MOXD1: variants seen among roughly 807,000 people sequenced by gnomAD.
The protein encoded by MOXD1 is DBH-like monooxygenase protein 1.
Under a neutral mutation model 66.6 loss-of-function variants are expected in MOXD1, and 62 were observed. The observed-to-expected ratio is 0.93, with a 90% CI of 0.76 to 1.15. The LOEUF (loss-of-function observed/expected upper bound fraction) is 1.15. MOXD1 is among the 50% of genes most tolerant of loss of function. The pLI is 0.00. For missense variants in MOXD1, 847 were observed against 754.6 expected (o/e 1.12, Z -1.44); for synonymous variants, 303 against 281.9 (o/e 1.07, Z -0.75).
At chr6:132,367,631 A>C (rs563187693) in intron 4 of MOXD1, among the ~76,000 whole-genome samples, 1 of 152,196 alleles carries the variant, frequency 6.6e-6, no homozygotes, top group African/African-American at 2.4e-5. Flanking sequence ...AGGGAGCAAC[A>C]TTGAAAATAA....
chr6:132,330,165 G>T (rs765038547), intron 4 of MOXD1, among the ~76,000 whole-genome samples: 12 of 152,126 alleles, frequency 7.9e-5, no homozygotes, highest in Non-Finnish European at 1.8e-4. Flanking sequence ...TTAGAGCAGG[G>T]GTCCCCAATC....
chr6:132,322,672 T>C lies in MOXD1; in HGVS notation c.1305+7A>G, dbSNP rs1021201205. On this transcript the variant is annotated splice_region_variant and intron_variant, in intron 8 of 11. Coordinates refer to ENST00000367963, the MANE Select transcript of MOXD1 (RefSeq NM_015529.4). ...CAGTCAATGAAAAAGAACAAAAACA[T>C]GCATACTGGTAAGATTGTTTGTTCT... The C allele has an allele frequency of 1.2e-6, 2 of 1,609,618 alleles. No individual in the cohort carries two copies. The highest frequency in any genetic ancestry group is 2.7e-5 in the African/African-American group (2 of 74,710).
chr6:132,299,266 A>T (rs1774476569), intron 10 of MOXD1, among the ~76,000 whole-genome samples: 1 of 151,730 alleles, frequency 6.6e-6, no homozygotes, highest in Non-Finnish European at 1.5e-5. Flanking sequence ...AGACACTGGG[A>T]ACTACTAGAG....
chr6:132,353,688 C>G (rs1479306985), intron 4 of MOXD1, among the ~76,000 whole-genome samples: 1 of 152,072 alleles, frequency 6.6e-6, no homozygotes, highest in African/African-American at 2.4e-5. Flanking sequence ...CTTTGTGCTT[C>G]TTGTATTTGG....
intron 8 of MOXD1, 121 bp from the exon 9 acceptor site, chr6:132,320,809 A>G: frequency 1.3e-6 from 1 of 762,202 alleles, no homozygotes; most frequent in Non-Finnish European, 2.2e-6. Context: ...AATTTCATTC[A>G]GCAGAAGACC....
intron 4 of MOXD1, among the ~76,000 whole-genome samples, chr6:132,365,285 T>C (rs1388171916): frequency 1.3e-5 from 2 of 152,112 alleles, no homozygotes; most frequent in Admixed American, 6.5e-5. Context: ...CTAAGATGCC[T>C]CCAAACTTAT....
At chr6:132,394,234 G>T (rs1172398322) in intron 1 of MOXD1, among the ~76,000 whole-genome samples, 1 of 152,048 alleles carries the variant, frequency 6.6e-6, no homozygotes, top group Non-Finnish European at 1.5e-5. Context: ...ATTACACAGA[G>T]ACTATACAAC....
At chr6:132,307,942 A>C (rs1181175892) in intron 10 of MOXD1, among the ~76,000 whole-genome samples, 1 of 152,196 alleles carries the variant, frequency 6.6e-6, no homozygotes, top group South Asian at 2.1e-4. Flanking sequence ...ACACCTTAAC[A>C]TCACAGTTAA....
Position 132,332,453 on chromosome 6 carries a change from T to C in MOXD1, c.664-3859A>G, listed in dbSNP as rs191359857. Among the ~76,000 whole-genome samples, 607 of 152,212 alleles carry C rather than the reference T, an allele frequency of 4.0e-3. 5 individuals are homozygous for C. The highest frequency in any genetic ancestry group is 0.024 in the Middle Eastern group (7 of 294). On this transcript the variant is annotated intron_variant, in intron 4 of 11. Transcript: ENST00000367963. ...GGATAAATATAAATTAAGAAACTGA[T>C]AATATGGGAGAAAAAATTACCTGAC...
At chr6:132,298,651 A>G (rs1215140919) in intron 10 of MOXD1, among the ~76,000 whole-genome samples, 1 of 152,130 alleles carries the variant, frequency 6.6e-6, no homozygotes, top group African/African-American at 2.4e-5. Context: ...ATAAGGCCAA[A>G]AAACATGAAA....
chr6:132,384,805 T>A (rs948445157), intron 1 of MOXD1, among the ~76,000 whole-genome samples: 1 of 152,214 alleles, frequency 6.6e-6, no homozygotes, highest in African/African-American at 2.4e-5. Flanking sequence ...AGAGATCAGA[T>A]GAGGCCCTAA....
chr6:132,298,943 A>G (rs1774470255), intron 10 of MOXD1, among the ~76,000 whole-genome samples: 1 of 152,172 alleles, frequency 6.6e-6, no homozygotes, highest in Admixed American at 6.5e-5. Context: ...AGGAAAATAA[A>G]TAGTTCTACC....
chr6:132,376,031 T>A (rs1479621901), intron 1 of MOXD1, among the ~76,000 whole-genome samples: 1 of 152,212 alleles, frequency 6.6e-6, no homozygotes, highest in Non-Finnish European at 1.5e-5. Context: ...TATCTTCTTA[T>A]GCCTTTTACC....
Position 132,297,811 on chromosome 6 carries a change from G to A in MOXD1, c.1653C>T (p.Ser551=). Residue 551 remains serine (S), a synonymous_variant, in exon 11 of 12, where the codon TCC becomes TCT. Transcript: ENST00000367963. ...CCGACCACTCAGCATTGTCTGTCTT[G>A]GAACATCTCACATTCACTGGCAGGC... ...VLSLPVNVRC[S]KTDNAEWSIQ... is the part of the protein sequence containing the mutation. The A allele has an allele frequency of 6.2e-7, 1 of 1,611,394 alleles. No individual in the cohort carries two copies. Among genetic ancestry groups the A allele is most frequent in the Non-Finnish European group, 8.5e-7 (1 of 1,178,898 alleles).
chr6:132,306,364 T>A (rs1008460992), intron 10 of MOXD1, among the ~76,000 whole-genome samples: 1 of 151,812 alleles, frequency 6.6e-6, no homozygotes, highest in African/African-American at 2.4e-5. Context: ...TAGGACTTCA[T>A]AAAAAGACCT....
chr6:132,384,966 G>A (rs539512681), intron 1 of MOXD1, among the ~76,000 whole-genome samples: 2 of 152,348 alleles, frequency 1.3e-5, no homozygotes, highest in Non-Finnish European at 2.9e-5. Context: ...ACACTCAGGA[G>A]CCTGGCAGTG....
chr6:132,298,068 T>A, intron 10 of MOXD1, 113 bp from the exon 11 acceptor site: 1 of 832,112 alleles, frequency 1.2e-6, no homozygotes, highest in Non-Finnish European at 1.7e-6. Context: ...TACACATAGA[T>A]AACCTAATGC....
At chr6:132,308,293 A>T (rs1774743164) in intron 10 of MOXD1, among the ~76,000 whole-genome samples, 1 of 152,218 alleles carries the variant, frequency 6.6e-6, no homozygotes, top group South Asian at 2.1e-4. Context: ...GTTCCTGGAC[A>T]CATACACCTT....
intron 4 of MOXD1, among the ~76,000 whole-genome samples, chr6:132,331,023 C>T (rs989782305): frequency 9.2e-5 from 14 of 152,142 alleles, no homozygotes; most frequent in African/African-American, 3.4e-4. Context: ...GTCGTGTGGC[C>T]TGAAGGCAGA....
Sources: gnomAD v4.1 joint callset for allele counts (sites outside exome capture counted in the v4.1 genomes callset) on GRCh38, gnomAD v4.1.1 for gene constraint, MANE v1.5 for transcripts, NCBI Gene and HGNC (gene_info 2026-07-23, HGNC 2026-07-21) for gene names.